The following STOML3 variants were observed in gnomAD, a reference collection of about 807,000 sequenced individuals.
The protein encoded by STOML3 is stomatin like 3, also known as stomatin-like protein 3.
A neutral mutation model predicts 29.5 loss-of-function variants in STOML3; 31 were observed. That is an observed-to-expected ratio of 1.05 (90% CI 0.79 to 1.42). The LOEUF (loss-of-function observed/expected upper bound fraction) is 1.42. STOML3 is among the 40% of genes most tolerant of loss of function. The pLI, the probability that STOML3 is intolerant of heterozygous loss-of-function variation, is 0.00. For synonymous variants in STOML3, 122 were observed against 139.8 expected (o/e 0.87, Z 0.90); for missense variants, 380 against 363.0 (o/e 1.05, Z -0.38).
chr13:38,969,698 A>G (rs941904951), intron 5 of STOML3, among the ~76,000 whole-genome samples: 13 of 152,146 alleles, frequency 8.5e-5, no homozygotes, highest in Non-Finnish European at 1.5e-4. Flanking sequence ...CTTTATTGAT[A>G]TCATAATTAT....
chr13:38,971,351 T>C (rs906792095), intron 4 of STOML3, among the ~76,000 whole-genome samples: 4 of 152,156 alleles, frequency 2.6e-5, no homozygotes, highest in African/African-American at 7.2e-5. Context: ...AATTCAAAAG[T>C]AAGTATTCTG....
chr13:38,976,804 A>T lies in STOML3; in HGVS notation c.53-7T>A. 6.2e-7 allele frequency: 1 copy of T among 1,610,134 alleles called. No homozygotes were observed. The highest frequency in any genetic ancestry group is 1.3e-5 in the African/African-American group (1 of 74,914). On this transcript the variant is annotated splice_region_variant and splice_polypyrimidine_tract_variant and intron_variant, in intron 1 of 6. Transcript: ENST00000379631. Reference sequence around the variant, plus strand: ...AGCCGTTTATTGTTGACACCTAGGAAATGAGAAGGAAGCAAATATGTGATC... The same window carrying T: ...AGCCGTTTATTGTTGACACCTAGGATATGAGAAGGAAGCAAATATGTGATC...
At chr13:38,972,185 A>T (rs1880893659) in intron 4 of STOML3, among the ~76,000 whole-genome samples, 1 of 152,154 alleles carries the variant, frequency 6.6e-6, no homozygotes. Context: ...TCATACAGTG[A>T]CTGTCTGTCT....
intron 1 of STOML3, among the ~76,000 whole-genome samples, chr13:38,989,942 C>T (rs112579058): frequency 1.8e-3 from 268 of 152,124 alleles, no homozygotes; most frequent in African/African-American, 5.1e-3. Flanking sequence ...CACACACACA[C>T]GCACACCATC....
rs547654178 is a variant in STOML3 at position 38,979,916 on chromosome 13, C to T, written c.53-3119G>A. The T allele has an allele frequency of 2.6e-4, 212 of 822,648 alleles. No homozygotes were observed. The African/African-American group carries it at 3.1e-3, about 12-fold the overall frequency. The allele number at this position is 822,648 out of a possible 1,614,324, so 51.0% of individuals were successfully genotyped here. On this transcript the variant is annotated intron_variant, in intron 1 of 6. Transcript: ENST00000379631. ...GGGCTATGACTAGCAGCACAGCACA[C>T]GCAGGCAGCTGGGACTCCAACAGGA...
chr13:38,970,451 C>G (rs2138006911), intron 4 of STOML3, 63 bp from the exon 5 acceptor site: 1 of 1,414,958 alleles, frequency 7.1e-7, no homozygotes, highest in Non-Finnish European at 9.9e-7. Context: ...GACAAAGTGA[C>G]AGCCAGCCCA....
intron 6 of STOML3, among the ~76,000 whole-genome samples, chr13:38,968,160 C>T (rs1880725838): frequency 2.0e-5 from 3 of 152,172 alleles, no homozygotes; most frequent in Non-Finnish European, 4.4e-5. Context: ...ACCTACTTGG[C>T]TAAGTTGCTC....
intron 1 of STOML3, among the ~76,000 whole-genome samples, chr13:38,985,911 C>CTTTCTTTTTTTTTTTT (rs1868503447): frequency 1.2e-5 from 1 of 85,616 alleles, no homozygotes; most frequent in African/African-American, 4.5e-5. Context: ...TCTTTTCTTT[C>CTTTCTTTTTTTTTTTT]TTTTTTTTTT....
rs760119665 is a variant in STOML3 at position 38,968,502 on chromosome 13, C to G, written c.549G>C (p.Gly183=). ...TGATTTCCACTCGGGCCACCCGGAT[C>G]CCCCACAGTTCGGTGGCATCATCAA... ...TLLDDATELW[G]IRVARVEIKD... The change falls in exon 6 of 7, where the codon GGG becomes GGC. Residue 183 remains glycine, a synonymous_variant. Transcript: ENST00000379631. 1.2e-6 allele frequency: 2 copies of G among 1,614,008 alleles called. No individual in the cohort carries two copies. The highest frequency in any genetic ancestry group is 1.7e-6 in the Non-Finnish European group (2 of 1,180,028).
intron 1 of STOML3, among the ~76,000 whole-genome samples, chr13:38,979,828 T>A (rs1405392914): frequency 6.6e-6 from 1 of 152,212 alleles, no homozygotes; most frequent in African/African-American, 2.4e-5. Context: ...CCTGTCATGT[T>A]TGGTGTGTTT....
At chr13:38,986,615 T>C (rs151085100) in intron 1 of STOML3, among the ~76,000 whole-genome samples, 4 of 152,264 alleles carry the variant, frequency 2.6e-5, no homozygotes, top group African/African-American at 9.6e-5. Context: ...ACTTTGATCA[T>C]CAAAGATGAA....
chr13:38,983,720 C>T (rs1276027307), intron 1 of STOML3, among the ~76,000 whole-genome samples: 7 of 152,122 alleles, frequency 4.6e-5, no homozygotes, highest in African/African-American at 1.4e-4. Flanking sequence ...TACAAAATTC[C>T]ATAATCCTAA....
intron 1 of STOML3, among the ~76,000 whole-genome samples, chr13:38,988,642 CAT>C (rs1017930702): frequency 9.1e-6 from 1 of 110,380 alleles, no homozygotes; most frequent in Non-Finnish European, 1.8e-5. Flanking sequence ...TATTTTATAT[CAT>C]ATATTTTATA....
chr13:38,972,580 G>C lies in STOML3; in HGVS notation c.244C>G (p.Leu82Val). The change falls in exon 4 of 7, where the codon CTG (leucine) becomes GTG (valine). Residue 82 changes from leucine (L) to valine (V), a missense_variant. Coordinates refer to ENST00000379631, the MANE Select transcript of STOML3 (RefSeq NM_145286.3). The stretch of plus-strand genomic sequence containing the variant: ...TTGACAAACACATCTATGCATGGCA[G>C]GACCAGGATCAAACCTATGAGAGAA... ...KAKGPGLILV[L>V]PCIDVFVKVD... is the part of the protein sequence containing the mutation. 1 of 1,613,926 alleles carries C rather than the reference G, an allele frequency of 6.2e-7. No individual in the cohort carries two copies. The highest frequency in any genetic ancestry group is 8.5e-7 in the Non-Finnish European group (1 of 1,179,908).
chr13:38,986,169 G>A (rs1482630098), intron 1 of STOML3, among the ~76,000 whole-genome samples: 3 of 150,370 alleles, frequency 2.0e-5, no homozygotes, highest in Admixed American at 1.3e-4. Context: ...CCAGTAGCAG[G>A]GATAACAGAA....
intron 1 of STOML3, among the ~76,000 whole-genome samples, chr13:38,989,209 C>T (rs1222445829): frequency 6.6e-6 from 1 of 151,666 alleles, no homozygotes; most frequent in East Asian, 1.9e-4. Flanking sequence ...TGTGATAGTG[C>T]CAGTTTTTCA....
intron 1 of STOML3, among the ~76,000 whole-genome samples, chr13:38,987,392 C>G (rs542414811): frequency 6.6e-6 from 1 of 151,818 alleles, no homozygotes; most frequent in African/African-American, 2.4e-5. Context: ...GCCATGGTGG[C>G]GCATGCCTGT....
rs1198807492 is a variant in STOML3 at position 38,984,947 on chromosome 13, A to C, written c.52+5723T>G. On this transcript the variant is annotated intron_variant, in intron 1 of 6. Transcript: ENST00000379631. The stretch of plus-strand genomic sequence containing the variant: ...TTTAAGTACTTTGAAGTACAGGATG[A>C]GGGTGATGTTCAGCAACATAATAGA... Among the ~76,000 whole-genome samples, 3 of 152,174 alleles carry C rather than the reference A, an allele frequency of 2.0e-5. No individual in the cohort carries two copies. In the East Asian group the frequency reaches 5.8e-4, roughly 29 times the overall value.
At chr13:38,980,645 C>T (rs1000268875) in intron 1 of STOML3, among the ~76,000 whole-genome samples, 3 of 152,114 alleles carry the variant, frequency 2.0e-5, no homozygotes, top group African/African-American at 7.2e-5. Context: ...GGACAGTTGT[C>T]GCATAACCAT....
Sources: gnomAD v4.1 joint callset for allele counts (sites outside exome capture counted in the v4.1 genomes callset) on GRCh38, gnomAD v4.1.1 for gene constraint, MANE v1.5 for transcripts, NCBI Gene and HGNC (gene_info 2026-07-23, HGNC 2026-07-21) for gene names.